POTEJ: variants seen among roughly 807,000 people sequenced by gnomAD.
The protein encoded by POTEJ is POTE ankyrin domain family member J.
POTEJ carries 11 observed loss-of-function variants against 69.0 expected under a neutral mutation model. That is an observed-to-expected ratio of 0.16 (90% CI 0.10 to 0.26). The LOEUF is 0.26. POTEJ is among the 10% of genes least tolerant of loss of function. The pLI is 1.00. For missense variants in POTEJ, 327 were observed against 1,045.5 expected (o/e 0.31, Z 9.48); for synonymous variants, 117 against 381.1 (o/e 0.31, Z 8.07).
chr2:130,632,988 C>T lies in POTEJ; in HGVS notation c.1298+332C>T, dbSNP rs140039727. Among the ~76,000 whole-genome samples the T allele has an allele frequency of 5.0e-3, 731 of 146,056 alleles. 3 individuals carry two copies. Among genetic ancestry groups the T allele is most frequent in the African/African-American group, 6.7e-3 (248 of 37,114 alleles). ...TTTGGACGGCAGATTATTTCATCAG[C>T]CACATAATAAGCAAAACACCAAAAG... On this transcript the variant is annotated intron_variant, in intron 9 of 14. Coordinates refer to ENST00000409602, the MANE Select transcript of POTEJ (RefSeq NM_001277083.2).
chr2:130,648,751 A>G (rs1207951426), intron 13 of POTEJ, among the ~76,000 whole-genome samples: 6 of 112,720 alleles, frequency 5.3e-5, no homozygotes, highest in South Asian at 2.8e-4. Flanking sequence ...GTTGTTTCTC[A>G]TGGCTCAGTC....
At chr2:130,640,164 A>T (rs1376740271) in intron 10 of POTEJ, among the ~76,000 whole-genome samples, 1 of 146,568 alleles carries the variant, frequency 6.8e-6, no homozygotes, top group Non-Finnish European at 1.5e-5. Context: ...CAGAAGGAAC[A>T]TGGAGTGAGA....
At chr2:130,612,695 G>A (rs1356774027) in intron 1 of POTEJ, among the ~76,000 whole-genome samples, 19 of 136,544 alleles carry the variant, frequency 1.4e-4, no homozygotes, top group Middle Eastern at 3.8e-3. Context: ...CTCGGGAGGC[G>A]GAGCTTGCAG....
intron 8 of POTEJ, among the ~76,000 whole-genome samples, chr2:130,631,893 G>A (rs1685912952): frequency 7.0e-6 from 1 of 143,476 alleles, no homozygotes. Flanking sequence ...GTTTCACTCT[G>A]CTTCTTGTGT....
chr2:130,646,966 A>G (rs1462267360), intron 13 of POTEJ, among the ~76,000 whole-genome samples: 1 of 148,918 alleles, frequency 6.7e-6, no homozygotes, highest in Non-Finnish European at 1.5e-5. Flanking sequence ...ATAACAGAGT[A>G]AGCATATATA....
chr2:130,641,779 T>C (rs1355292644), intron 10 of POTEJ, among the ~76,000 whole-genome samples: 1 of 152,170 alleles, frequency 6.6e-6, no homozygotes, highest in Non-Finnish European at 1.5e-5. Context: ...ATAATCAGCA[T>C]TTATAACTCA....
At chr2:130,656,153 T>A (rs962640119) in intron 14 of POTEJ, among the ~76,000 whole-genome samples, 2 of 145,346 alleles carry the variant, frequency 1.4e-5, no homozygotes, top group African/African-American at 2.6e-5. Flanking sequence ...GATATCAGAG[T>A]GTAAACCTAA....
At position 130,657,524 on chromosome 2, in the gene POTEJ, G is replaced by A. The variant is rs767608321; in HGVS notation, c.2764G>A (p.Glu922Lys). The A allele has an allele frequency of 6.4e-5, 100 of 1,566,446 alleles. 13 individuals are homozygous for A. In the African/African-American group the frequency reaches 9.6e-4, roughly 15 times the overall value. The part of the protein sequence containing the change: ...TISNEWFRCP[E>K]ALFQPCFLGM... ...CAGCAACGAGTGGTTCCGCTGCCCC[G>A]AGGCGCTCTTCCAGCCTTGCTTCCT... is the stretch of plus-strand genomic sequence containing the variant. The change falls in exon 15 of 15, where the codon GAG (glutamate) becomes AAG (lysine). Residue 922 changes from glutamate to lysine, a missense_variant. Glu to Lys is a moderately conservative substitution (Grantham distance 56, BLOSUM62 1). Coordinates refer to ENST00000409602, the MANE Select transcript of POTEJ (RefSeq NM_001277083.2).
chr2:130,628,838 T>G (rs1685799751), intron 6 of POTEJ, among the ~76,000 whole-genome samples: 1 of 149,790 alleles, frequency 6.7e-6, no homozygotes, highest in Admixed American at 6.6e-5. Flanking sequence ...TGGCCAATGG[T>G]GAAACCCCAT....
At position 130,632,790 on chromosome 2, in the gene POTEJ, G is replaced by A; in HGVS notation, c.1298+134G>A. Reference sequence around the variant, plus strand: ...AGCCTTGCCCATTAATCAGAAAAATGAAAATCAGCGAACAATGAGTTACCA... The same window carrying A: ...AGCCTTGCCCATTAATCAGAAAAATAAAAATCAGCGAACAATGAGTTACCA... On this transcript the variant is annotated intron_variant, in intron 9 of 14. Coordinates refer to ENST00000409602, the MANE Select transcript of POTEJ (RefSeq NM_001277083.2). 5.4e-6 allele frequency: 7 copies of A among 1,297,472 alleles called. 1 individual carries two copies. Among genetic ancestry groups the A allele is most frequent in the South Asian group, 2.7e-5 (2 of 74,730 alleles). The allele number at this position is 1,297,472 out of a possible 1,614,324, so 80.4% of individuals were successfully genotyped here.
intron 13 of POTEJ, among the ~76,000 whole-genome samples, chr2:130,649,389 T>A (rs1686717876): frequency 1.3e-5 from 2 of 152,252 alleles, no homozygotes; most frequent in African/African-American, 4.8e-5. Context: ...ACACTTCACA[T>A]CTAATCTCTC....
At position 130,624,828 on chromosome 2, in the gene POTEJ, G is replaced by C. The variant is rs1293978255; in HGVS notation, c.1015+694G>C. ...TTACTGACTTCATTCCTCCTCATTT[G>C]AAGTTGGAAAGAGATATATTTACTT... On this transcript the variant is annotated intron_variant, in intron 6 of 14. Transcript: ENST00000409602. Among the ~76,000 whole-genome samples the C allele has an allele frequency of 5.3e-5, 8 of 152,216 alleles. No individual in the cohort carries two copies. In the South Asian group the frequency reaches 1.7e-3, roughly 32 times the overall value.
At chr2:130,654,572 CA>C (rs2105264980) in intron 13 of POTEJ, among the ~76,000 whole-genome samples, 1 of 148,596 alleles carries the variant, frequency 6.7e-6, no homozygotes, top group South Asian at 2.1e-4. Context: ...CATCTAGTTG[CA>C]GGAAAACAAG....
At position 130,656,753 on chromosome 2, in the gene POTEJ, G is replaced by C. The variant is rs549758778; in HGVS notation, c.1993G>C (p.Asp665His). The C allele has an allele frequency of 6.2e-7, 1 of 1,610,218 alleles. No individual in the cohort carries two copies. The highest frequency in any genetic ancestry group is 2.2e-5 in the East Asian group (1 of 44,896). Residue 665 changes from aspartate to histidine, a missense_variant, in exon 15 of 15, where the codon GAT becomes CAT. Physicochemically the swap from Asp to His is moderately conservative, Grantham distance 81. Transcript: ENST00000409602. Reference sequence around the variant, plus strand: ...TCTACAATTGAATGAGCTCACCATGGATGATGATACCGCTGTGCTCGTCAT... The same window carrying C: ...TCTACAATTGAATGAGCTCACCATGCATGATGATACCGCTGTGCTCGTCAT... ...KALQLNELTMDDDTAVLVIDN... is the reference protein window; with the variant it reads ...KALQLNELTMHDDTAVLVIDN...
intron 13 of POTEJ, among the ~76,000 whole-genome samples, chr2:130,647,043 G>C (rs575537909): frequency 6.7e-6 from 1 of 149,708 alleles, no homozygotes; most frequent in East Asian, 1.9e-4. Flanking sequence ...ATTTATTATA[G>C]TATTATTATG....
intron 1 of POTEJ, among the ~76,000 whole-genome samples, chr2:130,613,222 G>T (rs550711394): frequency 2.1e-5 from 3 of 143,780 alleles, no homozygotes; most frequent in Admixed American, 7.1e-5. Context: ...ATTTATATAC[G>T]CAGATATATA....
chr2:130,640,598 A>G (rs1242949909), intron 10 of POTEJ, among the ~76,000 whole-genome samples: 2 of 151,908 alleles, frequency 1.3e-5, no homozygotes, highest in Non-Finnish European at 2.9e-5. Flanking sequence ...AGCAGCTCCA[A>G]ACATCTTGTT....
rs375069740 is a variant in POTEJ, at chr2:130,641,341, T to C, written c.1370-2642T>C. Among the ~76,000 whole-genome samples, 23 of 151,146 alleles carry C rather than the reference T, an allele frequency of 1.5e-4. No individual in the cohort carries two copies. In the East Asian group the frequency reaches 3.3e-3, roughly 22 times the overall value. ...CACCCGTCCATGGTGAAATAAATAA[T>C]GTTAGAAATCTCAGTTACTTATTTT... is the stretch of plus-strand genomic sequence containing the variant. On this transcript the variant is annotated intron_variant, in intron 10 of 14. Transcript: ENST00000409602.
chr2:130,642,365 G>A (rs1176926396), intron 10 of POTEJ, among the ~76,000 whole-genome samples: 5 of 106,138 alleles, frequency 4.7e-5, no homozygotes, highest in Admixed American at 1.2e-4. Flanking sequence ...CTGAATTCAC[G>A]ACTGTTAATT....
Sources: allele counts gnomAD v4.1 joint callset (sites outside exome capture counted in the v4.1 genomes callset), GRCh38; gene constraint gnomAD v4.1.1; transcripts MANE v1.5; gene names NCBI Gene and HGNC (gene_info 2026-07-23, HGNC 2026-07-21).